Variants in DYNC1I2 observed in about 807,000 individuals in gnomAD.
The protein encoded by DYNC1I2 is dynein cytoplasmic 1 intermediate chain 2, also known as cytoplasmic dynein 1 intermediate chain 2.
Under a neutral mutation model 88.6 loss-of-function variants are expected in DYNC1I2, and 53 were observed. The observed-to-expected ratio is 0.60, with a 90% CI of 0.48 to 0.75. DYNC1I2 has a LOEUF of 0.75. Ranked by LOEUF, DYNC1I2 falls within the 30% of genes least tolerant of loss-of-function variation. The pLI is 0.00. For missense variants in DYNC1I2, 458 were observed against 766.6 expected (o/e 0.60, Z 4.75); for synonymous variants, 198 against 254.6 (o/e 0.78, Z 2.12).
At chr2:171,740,526 G>A (rs113755010) in intron 15 of DYNC1I2, among the ~76,000 whole-genome samples, 3 of 152,108 alleles carry the variant, frequency 2.0e-5, no homozygotes, top group African/African-American at 7.2e-5. Context: ...TTTAAAAAAT[G>A]TGGGTGATCA....
At chr2:171,695,265 A>C (rs993811646) in intron 3 of DYNC1I2, among the ~76,000 whole-genome samples, 1 of 151,876 alleles carries the variant, frequency 6.6e-6, no homozygotes. Context: ...ACACCTGACT[A>C]ATTTTTTGTA....
At chr2:171,695,192 C>T (rs1269151827) in intron 3 of DYNC1I2, among the ~76,000 whole-genome samples, 2 of 151,950 alleles carry the variant, frequency 1.3e-5, no homozygotes, top group Non-Finnish European at 2.9e-5. Flanking sequence ...CTCCACCTCC[C>T]GAGTTTAAGC....
chr2:171,747,424 C>A (rs1464897503), intron 17 of DYNC1I2, among the ~76,000 whole-genome samples: 2 of 151,708 alleles, frequency 1.3e-5, no homozygotes, highest in Non-Finnish European at 2.9e-5. Flanking sequence ...CTGTTTCTTA[C>A]TAGGAATTTT....
At chr2:171,688,805 T>C (rs1353881892) in intron 1 of DYNC1I2, among the ~76,000 whole-genome samples, 1 of 152,156 alleles carries the variant, frequency 6.6e-6, no homozygotes, top group Non-Finnish European at 1.5e-5. Flanking sequence ...GATTTAACAA[T>C]TGTGCTTTTT....
At chr2:171,737,616 C>T (rs551261757) in intron 15 of DYNC1I2, among the ~76,000 whole-genome samples, 1 of 152,276 alleles carries the variant, frequency 6.6e-6, no homozygotes, top group East Asian at 1.9e-4. Context: ...CAGGGTTTCA[C>T]CATGCTTGGC....
chr2:171,729,831 C>T lies in DYNC1I2; in HGVS notation c.1514C>T (p.Thr505Ile). 6.2e-7 allele frequency: 1 copy of T among 1,613,682 alleles called. No homozygotes were observed. Among genetic ancestry groups the T allele is most frequent in the South Asian group, 1.1e-5 (1 of 91,070 alleles). The stretch of plus-strand genomic sequence containing the variant: ...TTTGTCACTTCATCGTTTGACTGGA[C>T]AGTAAAGCTTTGGACAACTAAGGTA... ...HLFVTSSFDW[T>I]VKLWTTKNNK... The change falls in exon 15 of 18, where the codon ACA (threonine) becomes ATA (isoleucine). Residue 505 changes from threonine to isoleucine, a missense_variant. By Grantham distance (89) the Thr-to-Ile change is moderately conservative. Coordinates refer to ENST00000397119, the MANE Select transcript of DYNC1I2 (RefSeq NM_001378.3).
intron 7 of DYNC1I2, among the ~76,000 whole-genome samples, chr2:171,716,806 T>C (rs928171472): frequency 6.6e-6 from 1 of 151,822 alleles, no homozygotes; most frequent in African/African-American, 2.4e-5. Flanking sequence ...CTCTGGAGGC[T>C]GAGGCAGAAG....
At position 171,692,812 on chromosome 2, in the gene DYNC1I2, A is replaced by G. The variant is rs1685494164; in HGVS notation, c.144A>G (p.Gln48=). The change falls in exon 3 of 18, where the codon CAA becomes CAG. Residue 48 remains glutamine (Q), a synonymous_variant. Transcript: ENST00000397119. Reference sequence around the variant, plus strand: ...AGAAGGAAGCTGTTGCTCCTGTGCAAGAAGAATCAGATCTTGAAAAAAAAA... The same window carrying G: ...AGAAGGAAGCTGTTGCTCCTGTGCAGGAAGAATCAGATCTTGAAAAAAAAA... ...DQKKEAVAPV[Q]EESDLEKKRR... 1 of 1,608,752 alleles carries G rather than the reference A, an allele frequency of 6.2e-7. No individual in the cohort carries two copies. Among genetic ancestry groups the G allele is most frequent in the Admixed American group, 1.7e-5 (1 of 59,506 alleles).
chr2:171,715,253 G>GT (rs1687405699), intron 6 of DYNC1I2, 75 bp from the exon 7 acceptor site: 3 of 933,020 alleles, frequency 3.2e-6, no homozygotes, highest in South Asian at 3.1e-5. Flanking sequence ...GCAAATGACT[G>GT]TTTAATTCTT....
At chr2:171,705,308 A>C (rs979371465) in intron 3 of DYNC1I2, among the ~76,000 whole-genome samples, 3 of 152,078 alleles carry the variant, frequency 2.0e-5, no homozygotes, top group African/African-American at 7.2e-5. Flanking sequence ...TGTTCAGTGG[A>C]GTCATTGATA....
chr2:171,715,511 T>C, intron 7 of DYNC1I2, 68 bp downstream of exon 7: 2 of 1,065,714 alleles, frequency 1.9e-6, no homozygotes, highest in Non-Finnish European at 2.6e-6. Context: ...CTTTTTTTCT[T>C]CCTTTGATTT....
At chr2:171,699,479 A>G (rs1339558844) in intron 3 of DYNC1I2, among the ~76,000 whole-genome samples, 1 of 152,124 alleles carries the variant, frequency 6.6e-6, no homozygotes, top group African/African-American at 2.4e-5. Context: ...TTGTAGAATA[A>G]TTTATAAAAG....
At chr2:171,690,527 T>A (rs1281990562) in intron 2 of DYNC1I2, among the ~76,000 whole-genome samples, 1 of 152,156 alleles carries the variant, frequency 6.6e-6, no homozygotes, top group Non-Finnish European at 1.5e-5. Context: ...ATATGATTTT[T>A]AAAAACAATT....
intron 3 of DYNC1I2, among the ~76,000 whole-genome samples, chr2:171,704,994 T>G (rs1460923976): frequency 6.6e-6 from 1 of 152,138 alleles, no homozygotes; most frequent in Non-Finnish European, 1.5e-5. Context: ...AAGAGTCCTT[T>G]ATAGAGTCTT....
rs571802795 is a variant in DYNC1I2, at chr2:171,694,746, A to G, written c.226+1852A>G. 5.9e-5 allele frequency among the ~76,000 whole-genome samples: 9 copies of G among 152,298 alleles called. No homozygotes were observed. In the South Asian group the frequency reaches 1.9e-3, roughly 32 times the overall value. On this transcript the variant is annotated intron_variant, in intron 3 of 17. Transcript: ENST00000397119. ...TGGCTTCTTGTGGCAAGGCCTCAGG[A>G]AGCTTCTAATCATGGCAGAAGGCAA... is the stretch of plus-strand genomic sequence containing the variant.
intron 17 of DYNC1I2, among the ~76,000 whole-genome samples, chr2:171,746,610 A>G (rs553172950): frequency 2.6e-5 from 4 of 152,220 alleles, no homozygotes; most frequent in Admixed American, 6.5e-5. Context: ...AATCATTTAC[A>G]GCAGCCAATT....
At chr2:171,698,520 G>A (rs1317535471) in intron 3 of DYNC1I2, among the ~76,000 whole-genome samples, 1 of 152,008 alleles carries the variant, frequency 6.6e-6, no homozygotes, top group Non-Finnish European at 1.5e-5. Flanking sequence ...GGGTAGCTGG[G>A]ACTACAGGCA....
chr2:171,715,766 T>C (rs1401519274), intron 7 of DYNC1I2, among the ~76,000 whole-genome samples: 5 of 152,224 alleles, frequency 3.3e-5, no homozygotes, highest in Non-Finnish European at 7.4e-5. Flanking sequence ...AAGAATTTTC[T>C]GTTTCTGTCA....
chr2:171,717,939 C>A (rs558271066), intron 7 of DYNC1I2, among the ~76,000 whole-genome samples: 2 of 151,496 alleles, frequency 1.3e-5, no homozygotes, highest in Non-Finnish European at 2.9e-5. Context: ...ATAGTTATAT[C>A]CAGTTTAAGT....
Sources: gnomAD v4.1 joint callset for allele counts (sites outside exome capture counted in the v4.1 genomes callset) on GRCh38, gnomAD v4.1.1 for gene constraint, MANE v1.5 for transcripts, NCBI Gene and HGNC (gene_info 2026-07-23, HGNC 2026-07-21) for gene names.